Variants in CRACD observed in about 807,000 individuals in gnomAD.
The protein encoded by CRACD is capping protein inhibiting regulator of actin dynamics, also known as capping protein-inhibiting regulator of actin dynamics.
A neutral mutation model predicts 106.8 loss-of-function variants in CRACD; 56 were observed. That is an observed-to-expected ratio of 0.52 (90% CI 0.42 to 0.66). The LOEUF (loss-of-function observed/expected upper bound fraction) is 0.66. Ranked by LOEUF, CRACD falls within the 30% of genes least tolerant of loss-of-function variation. The probability of loss-of-function intolerance (pLI) is 0.00; values close to 1 mark genes in which losing one functional copy is unlikely to be tolerated. For missense variants in CRACD, 1,730 were observed against 1,623.2 expected, an observed-to-expected ratio of 1.07 and a Z score of -1.13; for synonymous variants, 754 against 670.8, an observed-to-expected ratio of 1.12 and a Z score of -1.92.
intron 2 of CRACD, among the ~76,000 whole-genome samples, chr4:56,193,610 A>G (rs1224207865): frequency 6.6e-6 from 1 of 152,222 alleles, no homozygotes; most frequent in Non-Finnish European, 1.5e-5. Flanking sequence ...TAACAAAAGT[A>G]TATTGAGATT....
chr4:56,132,871 A>G (rs1378967436), intron 1 of CRACD, among the ~76,000 whole-genome samples: 1 of 152,172 alleles, frequency 6.6e-6, no homozygotes, highest in Non-Finnish European at 1.5e-5. Context: ...TAATAGGCCT[A>G]AATTTGAGCA....
At chr4:56,092,867 G>A (rs1312465559) in intron 1 of CRACD, among the ~76,000 whole-genome samples, 1 of 152,186 alleles carries the variant, frequency 6.6e-6, no homozygotes, top group East Asian at 1.9e-4. Flanking sequence ...TACAGCAGGA[G>A]AGCAAAGTGT....
At chr4:56,301,201 A>C (rs999735378) in intron 4 of CRACD, 4 of 1,285,204 alleles carry the variant, frequency 3.1e-6, no homozygotes, top group African/African-American at 3.0e-5. Context: ...AATCATCCCC[A>C]AAAAGACTGT....
chr4:56,103,643 G>A (rs1560451601), intron 1 of CRACD, among the ~76,000 whole-genome samples: 1 of 152,166 alleles, frequency 6.6e-6, no homozygotes, highest in Non-Finnish European at 1.5e-5. Flanking sequence ...TAAGGGAATT[G>A]GCAGAGTTCA....
intron 5 of CRACD, among the ~76,000 whole-genome samples, chr4:56,310,131 G>A (rs1188111031): frequency 6.6e-6 from 1 of 152,068 alleles, no homozygotes; most frequent in East Asian, 1.9e-4. Flanking sequence ...ATGGGGGTGT[G>A]AATCTTTAGC....
chr4:56,264,847 T>G (rs942910535), intron 2 of CRACD, among the ~76,000 whole-genome samples: 1 of 152,212 alleles, frequency 6.6e-6, no homozygotes, highest in Non-Finnish European at 1.5e-5. Flanking sequence ...TCTTCACAAT[T>G]TATGTTCTTC....
intron 3 of CRACD, among the ~76,000 whole-genome samples, chr4:56,285,933 G>C (rs1210511850): frequency 6.6e-6 from 1 of 152,040 alleles, no homozygotes; most frequent in Non-Finnish European, 1.5e-5. Flanking sequence ...TAAGAGGTAA[G>C]AGGTAATCCC....
intron 2 of CRACD, among the ~76,000 whole-genome samples, chr4:56,216,792 A>G (rs183843597): frequency 7.5e-4 from 113 of 151,544 alleles, no homozygotes; most frequent in African/African-American, 2.6e-3. Flanking sequence ...CATCCTGGCT[A>G]ACAAGGTGAA....
intron 2 of CRACD, among the ~76,000 whole-genome samples, chr4:56,266,006 T>C (rs1275943217): frequency 6.6e-6 from 1 of 152,070 alleles, no homozygotes; most frequent in Non-Finnish European, 1.5e-5. Flanking sequence ...ATTATGATGA[T>C]GCAGCCATCA....
At chr4:56,259,074 G>T (rs1490299926) in intron 2 of CRACD, among the ~76,000 whole-genome samples, 1 of 152,158 alleles carries the variant, frequency 6.6e-6, no homozygotes, top group Non-Finnish European at 1.5e-5. Context: ...TTATTCCAAA[G>T]CTTAGCTTAG....
intron 1 of CRACD, among the ~76,000 whole-genome samples, chr4:56,161,685 C>A (rs972120746): frequency 1.3e-5 from 2 of 152,064 alleles, no homozygotes; most frequent in African/African-American, 4.8e-5. Context: ...GTCTCGAACT[C>A]CTGACCTCAG....
intron 1 of CRACD, among the ~76,000 whole-genome samples, chr4:56,076,244 C>T (rs986341372): frequency 2.0e-5 from 3 of 152,116 alleles, no homozygotes; most frequent in Non-Finnish European, 4.4e-5. Flanking sequence ...GGAACCCTGC[C>T]GGCACCTTGA....
rs78695206 is a variant in CRACD at position 56,120,898 on chromosome 4, C to T, written c.-335-58386C>T. Among the ~76,000 whole-genome samples the T allele has an allele frequency of 9.0e-3, 1,370 of 152,282 alleles. 30 individuals carry two copies. The highest frequency in any genetic ancestry group is 0.065 in the East Asian group (336 of 5,186). ...ACATTGGTTTAAGCATGTGATATCA[C>T]GGAATAACAGAGGTTTGTCAGTTCT... On this transcript the variant is annotated intron_variant, in intron 1 of 10. Transcript: ENST00000682029.
intron 3 of CRACD, among the ~76,000 whole-genome samples, chr4:56,288,236 T>TA (rs538344799): frequency 1.3e-5 from 2 of 152,186 alleles, no homozygotes; most frequent in African/African-American, 2.4e-5. Context: ...CTTCTTTTTT[T>TA]AAAAAATTCC....
intron 1 of CRACD, among the ~76,000 whole-genome samples, chr4:56,143,286 A>G (rs534779399): frequency 6.6e-6 from 1 of 152,046 alleles, no homozygotes; most frequent in Non-Finnish European, 1.5e-5. Flanking sequence ...ACTTATTCTT[A>G]TTACTCCTAG....
At chr4:56,198,059 C>A (rs1737705879) in intron 2 of CRACD, among the ~76,000 whole-genome samples, 1 of 152,082 alleles carries the variant, frequency 6.6e-6, no homozygotes, top group Admixed American at 6.6e-5. Context: ...TCTTATCTTT[C>A]CTCATTAGAA....
rs539902947 is a variant in CRACD, at chr4:56,256,546, A to G, written c.-188-15775A>G. On this transcript the variant is annotated intron_variant, in intron 2 of 10. Coordinates refer to ENST00000682029, the MANE Select transcript of CRACD (RefSeq NM_001393381.1). ...CTTAACCATGGGCCACCAAGTTTCC[A>G]TGAAGCCTGAGCTGCCTACTGTGAA... Among the ~76,000 whole-genome samples, 13 of 152,330 alleles carry G rather than the reference A, an allele frequency of 8.5e-5. No homozygotes were observed. In the South Asian group the frequency reaches 2.5e-3, roughly 29 times the overall value.
At position 56,097,229 on chromosome 4, in the gene CRACD, G is replaced by A. The variant is rs146814465; in HGVS notation, c.-336+47930G>A. ...CTATCATCAGCTGAGAGTGAGGATGGAGGAGGCCCTGTTGGGGATTTGAAA... is the reference window on the plus strand; with the variant it reads ...CTATCATCAGCTGAGAGTGAGGATGAAGGAGGCCCTGTTGGGGATTTGAAA... On this transcript the variant is annotated intron_variant, in intron 1 of 10. Coordinates refer to ENST00000682029, the MANE Select transcript of CRACD (RefSeq NM_001393381.1). Among the ~76,000 whole-genome samples the A allele has an allele frequency of 3.6e-3, 545 of 152,308 alleles. 3 individuals are homozygous for A. The highest frequency in any genetic ancestry group is 0.012 in the African/African-American group (493 of 41,566).
intron 1 of CRACD, among the ~76,000 whole-genome samples, chr4:56,054,868 T>G (rs1731998759): frequency 6.6e-6 from 1 of 152,236 alleles, no homozygotes; most frequent in Non-Finnish European, 1.5e-5. Context: ...TCAGTCAGAT[T>G]TTTAAAGTCT....
Sources: gnomAD v4.1 joint callset for allele counts (sites outside exome capture counted in the v4.1 genomes callset) on GRCh38, gnomAD v4.1.1 for gene constraint, MANE v1.5 for transcripts, NCBI Gene and HGNC (gene_info 2026-07-23, HGNC 2026-07-21) for gene names.